The following THNSL2 variants were observed in gnomAD, a reference collection of about 807,000 sequenced individuals.
The protein encoded by THNSL2 is threonine synthase-like 2.
Under a neutral mutation model 40.0 loss-of-function variants are expected in THNSL2, and 34 were observed. The observed-to-expected ratio is 0.85, with a 90% CI of 0.65 to 1.13. The LOEUF (loss-of-function observed/expected upper bound fraction) is 1.13. Ranked by LOEUF, THNSL2 falls within the 50% of genes most tolerant of loss-of-function variation. THNSL2 has a pLI of 0.00. For synonymous variants in THNSL2, 241 were observed against 247.5 expected, an observed-to-expected ratio of 0.97 and a Z score of 0.25; for missense variants, 537 against 608.8, an observed-to-expected ratio of 0.88 and a Z score of 1.24.
chr2:88,174,919 C>A, intron 3 of THNSL2, 86 bp downstream of exon 3: 1 of 1,456,846 alleles, frequency 6.9e-7, no homozygotes, highest in Non-Finnish European at 9.5e-7. Flanking sequence ...TAGAGCCACT[C>A]AGGAACTGTG....
intron 5 of THNSL2, among the ~76,000 whole-genome samples, chr2:88,181,881 T>A (rs1677730362): frequency 6.6e-6 from 1 of 152,196 alleles, no homozygotes; most frequent in African/African-American, 2.4e-5. Flanking sequence ...TCATACAGGA[T>A]GTGGTCTTTT....
intron 2 of THNSL2, among the ~76,000 whole-genome samples, chr2:88,174,374 A>T (rs1309518935): frequency 8.0e-6 from 1 of 124,434 alleles, no homozygotes; most frequent in East Asian, 2.0e-4. Flanking sequence ...ACAATGAAGA[A>T]GTATAAAAAA....
At chr2:88,184,603 A>T (rs1429718970) in intron 7 of THNSL2, among the ~76,000 whole-genome samples, 1 of 88,414 alleles carries the variant, frequency 1.1e-5, no homozygotes, top group Non-Finnish European at 2.1e-5. Context: ...CGTCTCTACT[A>T]AAAAAAAAAA....
chr2:88,174,697 G>T lies in THNSL2; in HGVS notation c.282G>T (p.Arg94Ser). 6.2e-7 allele frequency: 1 copy of T among 1,614,190 alleles called. No homozygotes were observed. The highest frequency in any genetic ancestry group is 1.1e-5 in the South Asian group (1 of 91,074). The change falls in exon 3 of 9, where the codon AGG (arginine) becomes AGT (serine). Residue 94 changes from arginine (R) to serine (S), a missense_variant. Arg to Ser is a moderately radical substitution (Grantham distance 110, BLOSUM62 -1). Coordinates refer to ENST00000674334, the MANE Select transcript of THNSL2 (RefSeq NM_018271.5). ...FRHREVVHLSRLRNGLNVLEL... is the reference protein window; with the variant it reads ...FRHREVVHLSSLRNGLNVLEL... Reference sequence around the variant, plus strand: ...ACAGAGAAGTGGTCCATCTGTCCAGGTTGAGGAATGGGCTGAACGTGTTGG... The same window carrying T: ...ACAGAGAAGTGGTCCATCTGTCCAGTTTGAGGAATGGGCTGAACGTGTTGG...
chr2:88,173,374 G>C lies in THNSL2; in HGVS notation c.223+1G>C. On this transcript the variant is annotated splice_donor_variant, in intron 2 of 8. Coordinates refer to ENST00000674334, the MANE Select transcript of THNSL2 (RefSeq NM_018271.5). LOFTEE classifies it high-confidence loss of function. Reference sequence around the variant, plus strand: ...CTCCTTCCAAAAGATGAATTAAATGGTGAGTGCTCCCACCTGTACTTTCAC... The same window carrying C: ...CTCCTTCCAAAAGATGAATTAAATGCTGAGTGCTCCCACCTGTACTTTCAC... 6.3e-7 allele frequency: 1 copy of C among 1,598,404 alleles called. No homozygotes were observed. Among genetic ancestry groups the C allele is most frequent in the Non-Finnish European group, 8.5e-7 (1 of 1,172,964 alleles).
chr2:88,175,766 G>A (rs1446571157), intron 4 of THNSL2: 1 of 188,302 alleles, frequency 5.3e-6, no homozygotes, highest in Non-Finnish European at 1.1e-5. Context: ...CCAAGACTCT[G>A]AAGTTTAGAG....
At chr2:88,185,286 TC>T (rs557818118) in intron 7 of THNSL2, 41 bp from the exon 8 acceptor site, 604 of 1,530,828 alleles carry the variant, frequency 3.9e-4, no homozygotes, top group Admixed American at 1.4e-3. Context: ...TTTCCCTACA[TC>T]CCCCCCCCAC....
chr2:88,178,462 C>T (rs577237032), intron 4 of THNSL2, among the ~76,000 whole-genome samples: 29 of 152,282 alleles, frequency 1.9e-4, no homozygotes, highest in African/African-American at 7.0e-4. Flanking sequence ...GAAATTCTCC[C>T]AGGATCCCAG....
chr2:88,185,249 T>TCGGTGGTCGCC, intron 7 of THNSL2, 79 bp from the exon 8 acceptor site: 4 of 1,534,914 alleles, frequency 2.6e-6, no homozygotes, highest in East Asian at 2.3e-5. Context: ...TGTGTGGATC[T>TCGGTGGTCGCC]GTGGTGGAGA....
intron 4 of THNSL2, 95 bp from the exon 5 acceptor site, chr2:88,178,688 G>A (rs972038287): frequency 1.8e-5 from 24 of 1,340,502 alleles, no homozygotes; most frequent in Non-Finnish European, 2.5e-5. Flanking sequence ...CAGGAGGGTG[G>A]GCTCAGCCTG....
chr2:88,173,499 C>A, intron 2 of THNSL2, 126 bp downstream of exon 2: 7 of 632,824 alleles, frequency 1.1e-5, no homozygotes, highest in Non-Finnish European at 1.6e-5. Context: ...TGTTTTATTT[C>A]TTTTCCTGAC....
rs891890695 is a variant in THNSL2, at chr2:88,186,325, A to T, written c.*202A>T. The T allele has an allele frequency of 5.0e-6, 3 of 602,692 alleles. No homozygotes were observed. The highest frequency in any genetic ancestry group is 3.0e-5 in the Admixed American group (1 of 33,898). 37.3% of individuals were successfully genotyped at this position (602,692 alleles called of 1,614,324 possible). A position where few individuals can be genotyped will look rare whatever the true frequency, so the allele number is the denominator to read the frequency against. On this transcript the variant is annotated 3_prime_UTR_variant, in exon 9 of 9. Transcript: ENST00000674334. ...GGAGGCTGAGTGAGGGGCTGTGAAC[A>T]GTTGCCGGAAGCACCCCCTCCCTCC...
At position 88,185,450 on chromosome 2, in the gene THNSL2, T is replaced by C. The variant is rs1318908744; in HGVS notation, c.1200T>C (p.His400=). ...ACTCAGCGGTGGCCGTGAACTACCA[T>C]TACCAGCAGATAGACAGGCAGCAGC... ...CPHSAVAVNY[H]YQQIDRQQPS... The change falls in exon 8 of 9, where the codon CAT becomes CAC. Residue 400 remains histidine, a synonymous_variant. Coordinates refer to ENST00000674334, the MANE Select transcript of THNSL2 (RefSeq NM_018271.5). The C allele has an allele frequency of 6.2e-7, 1 of 1,612,992 alleles. No individual in the cohort carries two copies. The highest frequency in any genetic ancestry group is 8.5e-7 in the Non-Finnish European group (1 of 1,179,516).
intron 1 of THNSL2, among the ~76,000 whole-genome samples, 199 bp downstream of exon 1, chr2:88,170,655 G>GTT (rs1676269147): frequency 6.6e-6 from 1 of 152,214 alleles, no homozygotes; most frequent in Non-Finnish European, 1.5e-5. Context: ...GATGCTTTGC[G>GTT]TTTTCTGCGG....
At chr2:88,175,505 G>C (rs1676832295) in intron 4 of THNSL2, 104 bp downstream of exon 4, 2 of 1,440,564 alleles carry the variant, frequency 1.4e-6, no homozygotes, top group Non-Finnish European at 9.5e-7. Flanking sequence ...GTAGCTGACT[G>C]TCCTCCTTTC....
rs200402354 is a variant in THNSL2 at position 88,182,775 on chromosome 2, G to A, written c.879G>A (p.Arg293=). The A allele has an allele frequency of 8.7e-6, 14 of 1,614,162 alleles. No individual in the cohort carries two copies. The highest frequency in any genetic ancestry group is 1.0e-5 in the Non-Finnish European group (12 of 1,180,044). ...VAVNRNDIIH[R]TVQQGDFSLS... ...TGAACCGCAATGACATCATCCACAG[G>A]ACTGTCCAGCAGGGAGACTTCTCTC... Residue 293 remains arginine (R), a synonymous_variant, in exon 6 of 9, where the codon AGG becomes AGA. Transcript: ENST00000674334.
intron 5 of THNSL2, among the ~76,000 whole-genome samples, chr2:88,179,652 G>C (rs562291080): frequency 2.0e-5 from 3 of 152,326 alleles, no homozygotes; most frequent in African/African-American, 7.2e-5. Flanking sequence ...CTGTACAGCT[G>C]TGTAGCATTA....
At chr2:88,182,662 C>A in intron 5 of THNSL2, 37 bp from the exon 6 acceptor site, 2 of 1,473,952 alleles carry the variant, frequency 1.4e-6, no homozygotes, top group Non-Finnish European at 1.8e-6. Context: ...GCTTTTATTT[C>A]TAAAAAGCCA....
chr2:88,174,571 G>A, intron 2 of THNSL2, 68 bp from the exon 3 acceptor site: 1 of 1,522,104 alleles, frequency 6.6e-7, no homozygotes, highest in African/African-American at 1.4e-5. Context: ...TTTATATTCA[G>A]AGACTGAGAG....
Sources: allele counts gnomAD v4.1 joint callset (sites outside exome capture counted in the v4.1 genomes callset), GRCh38; gene constraint gnomAD v4.1.1; transcripts MANE v1.5; gene names NCBI Gene and HGNC (gene_info 2026-07-23, HGNC 2026-07-21).